The following WIPF3 variants were observed in gnomAD, a reference collection of about 807,000 sequenced individuals.
WIPF3 encodes the protein WAS/WASL interacting protein family member 3.
Under a neutral mutation model 38.9 loss-of-function variants are expected in WIPF3, and 33 were observed. That is an observed-to-expected ratio of 0.85 (90% CI 0.64 to 1.14). The LOEUF is 1.14. Ranked by LOEUF, WIPF3 falls within the 50% of genes most tolerant of loss-of-function variation. The pLI is 0.00. For synonymous variants in WIPF3, 324 were observed against 269.3 expected, an observed-to-expected ratio of 1.20 and a Z score of -1.99; for missense variants, 711 against 652.5, an observed-to-expected ratio of 1.09 and a Z score of -0.98.
intron 7 of WIPF3, among the ~76,000 whole-genome samples, chr7:29,898,469 G>A (rs1317659595): frequency 2.6e-5 from 4 of 152,146 alleles, no homozygotes; most frequent in Non-Finnish European, 5.9e-5. Flanking sequence ...TGCAGCCCAA[G>A]TGATTTGTCT....
chr7:29,856,836 A>C (rs1048435960), intron 2 of WIPF3, among the ~76,000 whole-genome samples: 3 of 152,198 alleles, frequency 2.0e-5, no homozygotes, highest in Non-Finnish European at 4.4e-5. Context: ...TGGAAAGTTT[A>C]AGGAATAAAT....
At chr7:29,876,336 A>G (rs536350081) in intron 3 of WIPF3, among the ~76,000 whole-genome samples, 11 of 152,358 alleles carry the variant, frequency 7.2e-5, no homozygotes, top group Admixed American at 6.5e-4. Context: ...ATCTAGTTCC[A>G]GAACATTTAC....
rs62457637 is a variant in WIPF3 at position 29,896,298 on chromosome 7, C to T, written c.1351+6891C>T. Among the ~76,000 whole-genome samples the T allele has an allele frequency of 1.0e-3, 18 of 17,258 alleles. 1 individual carries two copies. In the East Asian group the frequency reaches 0.053, roughly 50 times the overall value. The allele number at this position is 17,258 out of a possible 152,430, so 11.3% of individuals were successfully genotyped here. A position where few individuals can be genotyped will look rare whatever the true frequency, so the allele number is the denominator to read the frequency against. On this transcript the variant is annotated intron_variant, in intron 7 of 8. Coordinates refer to ENST00000242140, the MANE Select transcript of WIPF3 (RefSeq NM_001080529.3). The stretch of plus-strand genomic sequence containing the variant: ...CAACAGTGAGATCCTCTCTAGCCTG[C>T]GCAACAGTGAGATCCTCTCTCTGAA...
At chr7:29,868,518 G>A (rs1303810610) in intron 2 of WIPF3, among the ~76,000 whole-genome samples, 4 of 148,128 alleles carry the variant, frequency 2.7e-5, no homozygotes, top group East Asian at 2.0e-4. Flanking sequence ...ATAATGAGAA[G>A]TATATATATA....
intron 8 of WIPF3, among the ~76,000 whole-genome samples, chr7:29,912,900 G>C (rs1444622869): frequency 6.6e-6 from 1 of 152,214 alleles, no homozygotes; most frequent in African/African-American, 2.4e-5. Flanking sequence ...GTGCTTGCCA[G>C]AGATTAGAGG....
chr7:29,892,372 A>G (rs1786040986), intron 7 of WIPF3, among the ~76,000 whole-genome samples: 1 of 152,208 alleles, frequency 6.6e-6, no homozygotes, highest in African/African-American at 2.4e-5. Flanking sequence ...ACATGAACCT[A>G]TGGAGACAAG....
chr7:29,903,871 G>T (rs750653887), intron 7 of WIPF3, among the ~76,000 whole-genome samples: 1 of 152,060 alleles, frequency 6.6e-6, no homozygotes, highest in Non-Finnish European at 1.5e-5. Context: ...TATGTAACTT[G>T]TGTAATACTT....
chr7:29,858,889 C>T (rs1162047981), intron 2 of WIPF3, among the ~76,000 whole-genome samples: 1 of 152,204 alleles, frequency 6.6e-6, no homozygotes, highest in Non-Finnish European at 1.5e-5. Context: ...CTATTTTCAG[C>T]TCCCACTGTA....
At chr7:29,865,065 C>A (rs1785362132) in intron 2 of WIPF3, among the ~76,000 whole-genome samples, 1 of 152,182 alleles carries the variant, frequency 6.6e-6, no homozygotes, top group Admixed American at 6.5e-5. Context: ...GGATTGCCTC[C>A]TTTAATCTGC....
intron 7 of WIPF3, among the ~76,000 whole-genome samples, chr7:29,890,165 C>A (rs1056411082): frequency 6.7e-6 from 1 of 149,498 alleles, no homozygotes; most frequent in African/African-American, 2.5e-5. Context: ...TTAAGGCCAG[C>A]CTTGTCAACA....
chr7:29,884,361 T>TGCCCCCCCCCCCC lies in WIPF3; in HGVS notation c.867_868insGCCCCCCCCCCCC (p.Pro290AlafsTer32). On this transcript the variant is annotated frameshift_variant, in exon 5 of 9. Transcript: ENST00000242140. LOFTEE classifies it high-confidence loss of function. ...GCCCTGCGCAAGATGCGCAGGAGCC[T>TGCCCCCCCCCCCC]CCCGCCCCGCCGCCCCCGCTCCCCC... 7.6e-7 allele frequency: 1 copy of TGCCCCCCCCCCCC among 1,317,906 alleles called. No homozygotes were observed. The highest frequency in any genetic ancestry group is 9.8e-7 in the Non-Finnish European group (1 of 1,017,940). 81.6% of individuals were successfully genotyped at this position (1,317,906 alleles called of 1,614,324 possible). A position where few individuals can be genotyped will look rare whatever the true frequency, so the allele number is the denominator to read the frequency against.
rs1389384777 is a variant in WIPF3 at position 29,915,381 on chromosome 7, T to A, written c.*865T>A. ...TCATTATGCTAAACTACCAGTTGTATCTCAGAGGTCTCCCCTTCTGCCCTT... is the reference window on the plus strand; with the variant it reads ...TCATTATGCTAAACTACCAGTTGTAACTCAGAGGTCTCCCCTTCTGCCCTT... On this transcript the variant is annotated 3_prime_UTR_variant, in exon 9 of 9. Transcript: ENST00000242140. 1 of 152,216 alleles carries A rather than the reference T, an allele frequency of 6.6e-6. No individual in the cohort carries two copies. Among genetic ancestry groups the A allele is most frequent in the East Asian group, 1.9e-4 (1 of 5,198 alleles). 9.4% of individuals were successfully genotyped at this position (152,216 alleles called of 1,614,324 possible).
At chr7:29,875,493 G>A (rs1391756733) in intron 2 of WIPF3, among the ~76,000 whole-genome samples, 1 of 152,136 alleles carries the variant, frequency 6.6e-6, no homozygotes, top group African/African-American at 2.4e-5. Flanking sequence ...AAACCTGAGA[G>A]CAGGGGCCAG....
intron 8 of WIPF3, among the ~76,000 whole-genome samples, chr7:29,910,129 T>C (rs1380947541): frequency 6.6e-6 from 1 of 152,102 alleles, no homozygotes; most frequent in African/African-American, 2.4e-5. Context: ...AGGGGATGGA[T>C]ACCCGATTTT....
At chr7:29,914,208 C>G (rs1418123875) in intron 8 of WIPF3, among the ~76,000 whole-genome samples, 1 of 152,140 alleles carries the variant, frequency 6.6e-6, no homozygotes, top group Non-Finnish European at 1.5e-5. Context: ...TTTTATTTCT[C>G]TGAGCTTCCT....
intron 4 of WIPF3, among the ~76,000 whole-genome samples, chr7:29,879,517 T>C (rs1415102467): frequency 6.6e-6 from 1 of 152,252 alleles, no homozygotes; most frequent in Admixed American, 6.5e-5. Flanking sequence ...TGAGTTGTAA[T>C]GATTCGGTCA....
At chr7:29,900,405 C>T (rs555897203) in intron 7 of WIPF3, among the ~76,000 whole-genome samples, 1 of 152,276 alleles carries the variant, frequency 6.6e-6, no homozygotes, top group East Asian at 1.9e-4. Flanking sequence ...ATGATTAGCT[C>T]ACCTCTGGCC....
chr7:29,885,015 G>A (rs990961390), intron 5 of WIPF3, among the ~76,000 whole-genome samples: 10 of 152,142 alleles, frequency 6.6e-5, no homozygotes, highest in Admixed American at 5.9e-4. Flanking sequence ...GCGTGAGTGT[G>A]GCTTGTTTCC....
At chr7:29,846,615 C>T (rs184787394) in intron 2 of WIPF3, among the ~76,000 whole-genome samples, 8 of 152,304 alleles carry the variant, frequency 5.3e-5, no homozygotes, top group South Asian at 2.1e-4. Context: ...GCAGGAGAAT[C>T]GCTTGAACCT....
Sources: gnomAD v4.1 joint callset for allele counts (sites outside exome capture counted in the v4.1 genomes callset) on GRCh38, gnomAD v4.1.1 for gene constraint, MANE v1.5 for transcripts, NCBI Gene and HGNC (gene_info 2026-07-23, HGNC 2026-07-21) for gene names.